Variants in PCDH11X observed in about 807,000 individuals in gnomAD.
PCDH11X encodes the protein protocadherin 11 X-linked, also known as protocadherin-11 X-linked.
In PCDH11X, 18 loss-of-function variants were observed where a neutral mutation model predicts 53.3. The ratio of observed to expected loss-of-function variants is 0.34; its 90% CI spans 0.23 to 0.50. The LOEUF (loss-of-function observed/expected upper bound fraction) is 0.50. Ranked by LOEUF, PCDH11X falls within the 20% of genes least tolerant of loss-of-function variation. PCDH11X has a pLI of 0.98. For missense variants in PCDH11X, 570 were observed against 1,032.4 expected, an observed-to-expected ratio of 0.55 and a Z score of 6.14; for synonymous variants, 279 against 393.3, an observed-to-expected ratio of 0.71 and a Z score of 3.44.
chrX:92,037,542 A>G (rs1242721965), intron 6 of PCDH11X, among the ~76,000 whole-genome samples: 1 of 111,342 alleles, frequency 9.0e-6, no homozygotes, highest in Non-Finnish European at 1.9e-5. Context: ...TCTTTATAGT[A>G]AAATGATTTA....
At chrX:91,974,988 G>A (rs780532838) in intron 6 of PCDH11X, among the ~76,000 whole-genome samples, 204 of 110,844 alleles carry the variant, frequency 1.8e-3, no homozygotes, top group African/African-American at 6.3e-3. Flanking sequence ...CTGAACTCAG[G>A]TGATCCGCCT....
chrX:92,383,466 C>T (rs951496484), intron 8 of PCDH11X, among the ~76,000 whole-genome samples: 4 of 110,121 alleles, frequency 3.6e-5, no homozygotes, highest in African/African-American at 9.9e-5. Context: ...CTAATGCTAT[C>T]CCTCCCCTAG....
rs746005454 is a variant in PCDH11X, at chrX:92,258,663, G to C, written c.3115-4451G>C. Among the ~76,000 whole-genome samples, 7 of 111,849 alleles carry C rather than the reference G, an allele frequency of 6.3e-5. No individual in the cohort carries two copies. The South Asian group carries it at 2.6e-3, about 42-fold the overall frequency. On this transcript the variant is annotated intron_variant, in intron 7 of 10. Coordinates refer to ENST00000682573, the MANE Select transcript of PCDH11X (RefSeq NM_032968.5). Reference sequence around the variant, plus strand: ...ATTACAGGCGTGAGCCACTGCATCCGGCCTAGTTATGCAAATTTCTACAAC... The same window carrying C: ...ATTACAGGCGTGAGCCACTGCATCCCGCCTAGTTATGCAAATTTCTACAAC...
chrX:92,604,660 G>A (rs1435275789), intron 10 of PCDH11X, among the ~76,000 whole-genome samples: 1 of 111,003 alleles, frequency 9.0e-6, no homozygotes, highest in Non-Finnish European at 1.9e-5. Flanking sequence ...GGCCAACAGT[G>A]TCAGAATACA....
chrX:92,313,806 G>A (rs1392603183), intron 8 of PCDH11X, among the ~76,000 whole-genome samples: 4 of 111,529 alleles, frequency 3.6e-5, no homozygotes, highest in Admixed American at 1.9e-4. Context: ...ATGATGGTAA[G>A]TATTTATATA....
In PCDH11X at chrX:92,621,913, T is replaced by C. The variant is rs1306666689; in HGVS notation, c.*2973T>C. On this transcript the variant is annotated 3_prime_UTR_variant, in exon 11 of 11. Transcript: ENST00000682573. ...TATTTTGTGTCCATATTCCATTAGA[T>C]TGTGATTATTAATTTTCTAGCTATG... The C allele has an allele frequency of 9.2e-6, 1 of 108,982 alleles. No homozygotes were observed. Among genetic ancestry groups the C allele is most frequent in the Non-Finnish European group, 1.9e-5 (1 of 52,517 alleles). The allele number at this position is 108,982 out of a possible 1,213,427, so 9.0% of individuals were successfully genotyped here.
chrX:92,008,727 C>T (rs962143910), intron 6 of PCDH11X, among the ~76,000 whole-genome samples: 1 of 109,018 alleles, frequency 9.2e-6, no homozygotes, highest in African/African-American at 3.3e-5. Flanking sequence ...TGCCCTGTCT[C>T]CCTTGTATAT....
chrX:92,080,596 G>T (rs1162108348), intron 6 of PCDH11X, among the ~76,000 whole-genome samples: 3 of 109,713 alleles, frequency 2.7e-5, no homozygotes, highest in Non-Finnish European at 3.8e-5. Context: ...GATCCTGTAG[G>T]AGAGGCAAAA....
At chrX:92,360,851 A>G (rs1179140317) in intron 8 of PCDH11X, among the ~76,000 whole-genome samples, 1 of 108,742 alleles carries the variant, frequency 9.2e-6, no homozygotes, top group Non-Finnish European at 1.9e-5. Flanking sequence ...TGGCTCCCAG[A>G]TTTCCAAAAC....
intron 8 of PCDH11X, among the ~76,000 whole-genome samples, chrX:92,273,339 G>C (rs1005115226): frequency 5.4e-5 from 6 of 111,215 alleles, no homozygotes; most frequent in African/African-American, 2.0e-4. Context: ...AATTCACAGG[G>C]TTAATCACTC....
At chrX:92,360,228 A>G (rs2070312368) in intron 8 of PCDH11X, among the ~76,000 whole-genome samples, 1 of 111,213 alleles carries the variant, frequency 9.0e-6, no homozygotes, top group Non-Finnish European at 1.9e-5. Context: ...ACAGTACTTT[A>G]TACTTTATAC....
chrX:92,426,892 C>T (rs2072130461), intron 9 of PCDH11X, among the ~76,000 whole-genome samples: 1 of 110,635 alleles, frequency 9.0e-6, no homozygotes, highest in Non-Finnish European at 1.9e-5. Flanking sequence ...CCCAAGGTAG[C>T]CCAACTAATT....
In PCDH11X at chrX:92,559,965, C is replaced by T. The variant is rs1305436279; in HGVS notation, c.3368-58299C>T. ...GAGTGGCATGTGACCTAGGCAGACA[C>T]CAGCTGGGGCAGCTAAGGGAGTCCT... On this transcript the variant is annotated intron_variant, in intron 10 of 10. Coordinates refer to ENST00000682573, the MANE Select transcript of PCDH11X (RefSeq NM_032968.5). Among the ~76,000 whole-genome samples the T allele has an allele frequency of 4.5e-5, 5 of 111,450 alleles. No homozygotes were observed. The Admixed American group carries it at 4.8e-4, about 11-fold the overall frequency.
At chrX:91,937,539 C>T (rs1467392425) in intron 6 of PCDH11X, among the ~76,000 whole-genome samples, 1 of 110,786 alleles carries the variant, frequency 9.0e-6, no homozygotes, top group Non-Finnish European at 1.9e-5. Flanking sequence ...TCATTTCTTC[C>T]AAATTCATGT....
intron 1 of PCDH11X, among the ~76,000 whole-genome samples, chrX:91,787,810 G>A (rs955673295): frequency 1.8e-5 from 2 of 108,938 alleles, no homozygotes; most frequent in Non-Finnish European, 3.8e-5. Flanking sequence ...TCTTTGAAAA[G>A]CTTATATTCT....
At chrX:91,795,578 TTAAC>T (rs1935706880) in intron 1 of PCDH11X, among the ~76,000 whole-genome samples, 2 of 111,530 alleles carry the variant, frequency 1.8e-5, no homozygotes, top group Admixed American at 1.9e-4. Flanking sequence ...TACTAACTCA[TTAAC>T]TAATTTTCTG....
chrX:92,203,534 G>GT (rs2066426246), intron 7 of PCDH11X, among the ~76,000 whole-genome samples: 1 of 112,200 alleles, frequency 8.9e-6, no homozygotes, highest in South Asian at 3.7e-4. Flanking sequence ...TGAAACTATC[G>GT]TAACCTCCCA....
chrX:92,568,264 C>CA (rs893311611), intron 10 of PCDH11X, among the ~76,000 whole-genome samples: 27 of 108,881 alleles, frequency 2.5e-4, no homozygotes, highest in Non-Finnish European at 4.0e-4. Flanking sequence ...ACTAAAAATA[C>CA]AAAAAAAATT....
chrX:91,793,238 G>A (rs1433500934), intron 1 of PCDH11X, among the ~76,000 whole-genome samples: 1 of 107,887 alleles, frequency 9.3e-6, no homozygotes, highest in Non-Finnish European at 1.9e-5. Context: ...TACCTTTTAG[G>A]TGTCAGAGAC....
Sources: allele counts gnomAD v4.1 joint callset (sites outside exome capture counted in the v4.1 genomes callset), GRCh38; gene constraint gnomAD v4.1.1; transcripts MANE v1.5; gene names NCBI Gene and HGNC (gene_info 2026-07-23, HGNC 2026-07-21).